Variants in ZFC3H1 observed in about 807,000 individuals in gnomAD.
ZFC3H1 encodes zinc finger C3H1 domain-containing protein.
In ZFC3H1, 71 loss-of-function variants were observed where a neutral mutation model predicts 243.7. That is an observed-to-expected ratio of 0.29 (90% CI 0.24 to 0.36). The LOEUF is 0.36. Among genes scored for constraint, ZFC3H1 ranks in the 10% least tolerant of loss-of-function variants. The probability of loss-of-function intolerance (pLI) is 1.00; values close to 1 mark genes in which losing one functional copy is unlikely to be tolerated. For missense variants in ZFC3H1, 1,966 were observed against 2,317.1 expected (o/e 0.85, Z 3.11); for synonymous variants, 838 against 813.0 (o/e 1.03, Z -0.52).
chr12:71,610,670 T>TA, intron 34 of ZFC3H1, 25 bp downstream of exon 34: 2 of 1,612,454 alleles, frequency 1.2e-6, no homozygotes, highest in Non-Finnish European at 1.7e-6. Context: ...AACATCGAGA[T>TA]AAAATAAAAG....
At chr12:71,662,331 T>C (rs1408110031) in intron 1 of ZFC3H1, among the ~76,000 whole-genome samples, 2 of 152,230 alleles carry the variant, frequency 1.3e-5, no homozygotes, top group African/African-American at 4.8e-5. Flanking sequence ...GATAAGTTTA[T>C]CTTTCTCTCT....
At chr12:71,651,229 G>T (rs1880875544) in intron 2 of ZFC3H1, among the ~76,000 whole-genome samples, 1 of 152,158 alleles carries the variant, frequency 6.6e-6, no homozygotes, top group African/African-American at 2.4e-5. Context: ...CTTTTGCATA[G>T]GAGCCTCTTC....
Position 71,663,415 on chromosome 12 carries a change from A to C in ZFC3H1, c.196T>G (p.Ser66Ala). 1 of 1,611,956 alleles carries C rather than the reference A, an allele frequency of 6.2e-7. No individual in the cohort carries two copies. Among genetic ancestry groups the C allele is most frequent in the Non-Finnish European group, 8.5e-7 (1 of 1,180,016 alleles). The change falls in exon 1 of 35, where the codon TCT becomes GCT. Residue 66 changes from serine to alanine, a missense_variant. Physicochemically the swap from Ser to Ala is moderately conservative, Grantham distance 99. This residue lies in a region of ZFC3H1 where 484 missense variants were observed against 449.7 expected (regional missense o/e 1.08). Transcript: ENST00000378743. ...GAGGAAGAGCCACCGCCTCCGCCAG[A>C]TCCACCGCCCCGGGCCGAGTGAGGA... Reference protein sequence around the residue: ...RPPHSARGGGSGGGGGSSSSS... With the variant: ...RPPHSARGGGAGGGGGSSSSS...
chr12:71,610,629 G>A (rs1879745247), intron 34 of ZFC3H1, 64 bp from the exon 35 acceptor site: 5 of 1,611,310 alleles, frequency 3.1e-6, no homozygotes, highest in Non-Finnish European at 4.2e-6. Context: ...CCACATCAAT[G>A]GATATGGCAC....
At chr12:71,617,473 C>A (rs1879919692) in intron 27 of ZFC3H1, among the ~76,000 whole-genome samples, 1 of 152,144 alleles carries the variant, frequency 6.6e-6, no homozygotes, top group Non-Finnish European at 1.5e-5. Context: ...AACTCATTTT[C>A]AAATTTTTAT....
Position 71,619,407 on chromosome 12 carries a change from A to G in ZFC3H1, c.5052T>C (p.Asn1684=), listed in dbSNP as rs748910391. Reference sequence around the variant, plus strand: ...AAAATGGAAGAAGATTATCGCCTCGATTCTATTTTAAAAAGAGGGAGGGGG... The same window carrying G: ...AAAATGGAAGAAGATTATCGCCTCGGTTCTATTTTAAAAAGAGGGAGGGGG... The part of the protein sequence containing the change: ...YHMCKFFILQ[N]RGDNLLPFLR... The change falls in exon 27 of 35, where the codon AAT becomes AAC. Residue 1684 remains asparagine, a splice_region_variant and synonymous_variant. Transcript: ENST00000378743. 1.9e-6 allele frequency: 3 copies of G among 1,612,944 alleles called. No homozygotes were observed. The highest frequency in any genetic ancestry group is 2.7e-5 in the African/African-American group (2 of 74,850).
At chr12:71,615,145 T>C in intron 28 of ZFC3H1, 61 bp downstream of exon 28, 1 of 1,348,982 alleles carries the variant, frequency 7.4e-7, no homozygotes, top group Non-Finnish European at 1.0e-6. Flanking sequence ...ACAGTGTAAT[T>C]CAGTAATAAA....
chr12:71,636,390 G>A, intron 9 of ZFC3H1, 100 bp downstream of exon 9: 1 of 1,014,574 alleles, frequency 9.9e-7, no homozygotes. Flanking sequence ...ATATATGTGT[G>A]TATATAAATA....
intron 4 of ZFC3H1, 38 bp downstream of exon 4, chr12:71,644,839 A>G (rs1209631615): frequency 6.3e-7 from 1 of 1,588,984 alleles, no homozygotes; most frequent in Admixed American, 1.8e-5. Flanking sequence ...AGAAAAGAAA[A>G]CAAAACAAAA....
chr12:71,629,087 T>A (rs762208581), intron 19 of ZFC3H1, 50 bp from the exon 20 acceptor site: 8 of 1,466,566 alleles, frequency 5.5e-6, no homozygotes, highest in South Asian at 5.1e-5. Context: ...GTTTTTTTTT[T>A]AACATTTTGA....
chr12:71,638,259 T>C (rs1880514418), intron 7 of ZFC3H1, among the ~76,000 whole-genome samples, 159 bp downstream of exon 7: 1 of 152,258 alleles, frequency 6.6e-6, no homozygotes, highest in Admixed American at 6.5e-5. Flanking sequence ...GATAGCTTGC[T>C]GGTATAATCA....
At chr12:71,611,660 G>GA (rs35052856) in intron 32 of ZFC3H1, 126 bp downstream of exon 32, 1,873 of 107,228 alleles carry the variant, frequency 0.017, 21 homozygotes, top group African/African-American at 0.052. Context: ...ATCTGTCCAG[G>GA]AAAAAAAAAA....
intron 3 of ZFC3H1, among the ~76,000 whole-genome samples, chr12:71,646,483 T>C (rs1049821148): frequency 2.6e-5 from 4 of 152,244 alleles, no homozygotes; most frequent in African/African-American, 7.2e-5. Flanking sequence ...AGCTACCATA[T>C]TGGAGAATTC....
At chr12:71,625,837 T>C (rs1880150693) in intron 22 of ZFC3H1, among the ~76,000 whole-genome samples, 1 of 152,166 alleles carries the variant, frequency 6.6e-6, no homozygotes, top group Non-Finnish European at 1.5e-5. Context: ...TGGAAACAAA[T>C]AATAAAAAGA....
Position 71,663,088 on chromosome 12 carries a change from G to T in ZFC3H1, c.523C>A (p.Pro175Thr). Residue 175 changes from proline (P) to threonine (T), a missense_variant, in exon 1 of 35, where the codon CCT becomes ACT. By Grantham distance (38) the Pro-to-Thr change is conservative (BLOSUM62 -1). Coordinates refer to ENST00000378743, the MANE Select transcript of ZFC3H1 (RefSeq NM_144982.5). ...CCGGATCCTGCTCCTCCTCCCAGAG[G>T]AGGTCTGCACCCCGGCTTGCCTCCT... is the stretch of plus-strand genomic sequence containing the variant. ...ERGGKPGCRPPLGGGAGSGFS... is the reference protein window; with the variant it reads ...ERGGKPGCRPTLGGGAGSGFS... 6.2e-7 allele frequency: 1 copy of T among 1,614,060 alleles called. No homozygotes were observed. The highest frequency in any genetic ancestry group is 8.5e-7 in the Non-Finnish European group (1 of 1,180,036).
intron 4 of ZFC3H1, among the ~76,000 whole-genome samples, chr12:71,644,662 C>CA (rs1880682936): frequency 6.6e-6 from 1 of 152,006 alleles, no homozygotes; most frequent in Non-Finnish European, 1.5e-5. Flanking sequence ...ACTAAAAATA[C>CA]AAAAAATTAG....
chr12:71,647,366 C>G (rs1296450398), intron 3 of ZFC3H1, among the ~76,000 whole-genome samples: 1 of 152,062 alleles, frequency 6.6e-6, no homozygotes, highest in Non-Finnish European at 1.5e-5. Context: ...TACAAAGTCA[C>G]TCAGTTAACA....
At chr12:71,616,715 T>C (rs947201070) in intron 27 of ZFC3H1, among the ~76,000 whole-genome samples, 12 of 152,144 alleles carry the variant, frequency 7.9e-5, no homozygotes, top group East Asian at 5.8e-4. Context: ...TTTTAAATAA[T>C]TGCAAGGGAA....
At chr12:71,635,013 A>C (rs1880424916) in intron 10 of ZFC3H1, among the ~76,000 whole-genome samples, 188 bp from the exon 11 acceptor site, 1 of 152,180 alleles carries the variant, frequency 6.6e-6, no homozygotes, top group Admixed American at 6.5e-5. Context: ...TACGCCACCA[A>C]GTAGTGAAGA....
Sources: gnomAD v4.1 joint callset for allele counts (sites outside exome capture counted in the v4.1 genomes callset) on GRCh38, gnomAD v4.1.1 for gene constraint, gnomAD v4.1.1 regional missense constraint, MANE v1.5 for transcripts, NCBI Gene and HGNC (gene_info 2026-07-23, HGNC 2026-07-21) for gene names.